The following TLK2 variants were observed in gnomAD, a reference collection of about 807,000 sequenced individuals.
The protein encoded by TLK2 is tousled like kinase 2, also known as serine/threonine-protein kinase tousled-like 2.
Under a neutral mutation model 117.3 loss-of-function variants are expected in TLK2, and 6 were observed. That is an observed-to-expected ratio of 0.05 (90% CI 0.03 to 0.10). The LOEUF (loss-of-function observed/expected upper bound fraction) is 0.10, where lower values mean the gene tolerates loss of function less well. Among genes scored for constraint, TLK2 ranks in the 10% least tolerant of loss-of-function variants. The pLI is 1.00. For synonymous variants in TLK2, 257 were observed against 316.7 expected, an observed-to-expected ratio of 0.81 and a Z score of 2.00; for missense variants, 299 against 901.2, an observed-to-expected ratio of 0.33 and a Z score of 8.56.
intron 13 of TLK2, 25 bp downstream of exon 13, chr17:62,576,800 T>G (rs1567955615): frequency 1.3e-6 from 2 of 1,564,764 alleles, no homozygotes; most frequent in Non-Finnish European, 1.8e-6. Flanking sequence ...AAAATCTCCC[T>G]GGAGAAATGT....
chr17:62,510,382 T>C (rs890058487), intron 2 of TLK2, among the ~76,000 whole-genome samples: 1 of 152,242 alleles, frequency 6.6e-6, no homozygotes, highest in Non-Finnish European at 1.5e-5. Context: ...GTTCAGATCT[T>C]GGCTTTGCTT....
intron 1 of TLK2, among the ~76,000 whole-genome samples, chr17:62,479,946 C>CT (rs1192465223): frequency 1.3e-5 from 2 of 152,210 alleles, no homozygotes; most frequent in South Asian, 2.1e-4. Flanking sequence ...CTCCCAGTCT[C>CT]TTTTTTTTCC....
intron 11 of TLK2, among the ~76,000 whole-genome samples, chr17:62,570,318 G>A (rs2080176784): frequency 6.6e-6 from 1 of 152,128 alleles, no homozygotes; most frequent in Admixed American, 6.5e-5. Flanking sequence ...GGATTTATTG[G>A]GTCCTCAATA....
At position 62,594,493 on chromosome 17, in the gene TLK2, G is replaced by A. The variant is rs114879010; in HGVS notation, c.1461-2092G>A. Among the ~76,000 whole-genome samples, 875 of 152,256 alleles carry A rather than the reference G, an allele frequency of 5.7e-3. 8 individuals carry two copies. The highest frequency in any genetic ancestry group is 0.02 in the African/African-American group (833 of 41,548). ...ACTACAACTTTAAGGGAAACAAGGT[G>A]TAACAAAACCAATTTTACCATAGGC... On this transcript the variant is annotated intron_variant, in intron 16 of 21. Transcript: ENST00000346027.
intron 1 of TLK2, among the ~76,000 whole-genome samples, chr17:62,473,381 G>GA: frequency 6.6e-6 from 1 of 151,926 alleles, no homozygotes; most frequent in South Asian, 2.1e-4. Flanking sequence ...AGGTGATTCA[G>GA]AAAGGCTCCC....
At chr17:62,592,037 G>A (rs773590704) in intron 16 of TLK2, among the ~76,000 whole-genome samples, 1 of 151,050 alleles carries the variant, frequency 6.6e-6, no homozygotes, top group African/African-American at 2.4e-5. Context: ...TCACCACAGC[G>A]TCCGCCTCCT....
chr17:62,540,967 G>A (rs940521764), intron 7 of TLK2, among the ~76,000 whole-genome samples: 1 of 152,044 alleles, frequency 6.6e-6, no homozygotes, highest in Non-Finnish European at 1.5e-5. Context: ...TTCCATGCAC[G>A]CTAGCCACCT....
intron 2 of TLK2, among the ~76,000 whole-genome samples, chr17:62,515,884 C>T (rs1012563083): frequency 4.6e-5 from 7 of 152,156 alleles, no homozygotes; most frequent in African/African-American, 1.2e-4. Flanking sequence ...GTGTCACATT[C>T]GAGAAATCAT....
chr17:62,582,734 C>G (rs2081307960), intron 15 of TLK2, among the ~76,000 whole-genome samples: 1 of 152,096 alleles, frequency 6.6e-6, no homozygotes, highest in African/African-American at 2.4e-5. Context: ...AAATAGATCT[C>G]AAACTTTCTT....
intron 7 of TLK2, among the ~76,000 whole-genome samples, chr17:62,538,041 T>G (rs1438496799): frequency 6.9e-6 from 1 of 144,158 alleles, no homozygotes; most frequent in African/African-American, 2.6e-5. Flanking sequence ...TTGTTTTTTT[T>G]TTTTTTTTTT....
chr17:62,557,194 G>A (rs1272486642), intron 9 of TLK2, among the ~76,000 whole-genome samples: 1 of 152,054 alleles, frequency 6.6e-6, no homozygotes, highest in African/African-American at 2.4e-5. Flanking sequence ...CAAAGTGCTG[G>A]GATAACAGAC....
intron 7 of TLK2, among the ~76,000 whole-genome samples, chr17:62,551,273 A>G (rs2078436306): frequency 1.3e-5 from 2 of 152,238 alleles, no homozygotes; most frequent in East Asian, 1.9e-4. Flanking sequence ...GAAGAAATTC[A>G]CATGTGGAAA....
chr17:62,549,416 A>AAAAAAGT (rs2078224314), intron 7 of TLK2, among the ~76,000 whole-genome samples: 1 of 31,966 alleles, frequency 3.1e-5, no homozygotes, highest in East Asian at 7.5e-4. Flanking sequence ...AAAAAAAAAA[A>AAAAAAGT]AAAAAAAAAA....
chr17:62,505,015 G>A (rs965756641), intron 2 of TLK2, among the ~76,000 whole-genome samples: 1 of 151,826 alleles, frequency 6.6e-6, no homozygotes, highest in African/African-American at 2.4e-5. Flanking sequence ...GGCTAATTTT[G>A]GAAGTCTTGG....
At chr17:62,481,728 C>G (rs2071674200) in intron 2 of TLK2, among the ~76,000 whole-genome samples, 1 of 152,008 alleles carries the variant, frequency 6.6e-6, no homozygotes, top group Admixed American at 6.6e-5. Flanking sequence ...GATTAGGCCC[C>G]CATTAACGGG....
At chr17:62,548,443 G>A (rs1007420760) in intron 7 of TLK2, among the ~76,000 whole-genome samples, 5 of 151,526 alleles carry the variant, frequency 3.3e-5, no homozygotes, top group African/African-American at 4.9e-5. Flanking sequence ...CACCACACCT[G>A]GCTAATTTTT....
At chr17:62,597,527 C>T (rs1267518192) in intron 17 of TLK2, among the ~76,000 whole-genome samples, 1 of 152,144 alleles carries the variant, frequency 6.6e-6, no homozygotes, top group African/African-American at 2.4e-5. Flanking sequence ...TTTCTGCTCA[C>T]CCCAGAGACT....
intron 15 of TLK2, 159 bp from the exon 16 acceptor site, chr17:62,585,976 A>T (rs2081579251): frequency 1.8e-6 from 1 of 541,246 alleles, no homozygotes; most frequent in Non-Finnish European, 3.3e-6. Flanking sequence ...ATCTAATCAC[A>T]AGTTTCAAGA....
intron 2 of TLK2, among the ~76,000 whole-genome samples, chr17:62,493,843 C>T (rs1299102886): frequency 1.5e-4 from 23 of 152,144 alleles, no homozygotes; most frequent in Non-Finnish European, 2.5e-4. Flanking sequence ...CTGCAACCTC[C>T]GCCTCCTGGG....
Sources: allele counts gnomAD v4.1 joint callset (sites outside exome capture counted in the v4.1 genomes callset), GRCh38; gene constraint gnomAD v4.1.1; transcripts MANE v1.5; gene names NCBI Gene and HGNC (gene_info 2026-07-23, HGNC 2026-07-21).